The following FAM174A variants were observed in gnomAD, a reference collection of about 807,000 sequenced individuals.
FAM174A encodes membrane protein FAM174A.
FAM174A carries 14 observed loss-of-function variants against 14.3 expected under a neutral mutation model. The observed-to-expected ratio is 0.98, with a 90% CI of 0.65 to 1.53. FAM174A has a LOEUF of 1.53. FAM174A is among the 40% of genes most tolerant of loss of function. The pLI, the probability that FAM174A is intolerant of heterozygous loss-of-function variation, is 0.00. For missense variants in FAM174A, 241 were observed against 249.6 expected (o/e 0.97, Z 0.23); for synonymous variants, 108 against 111.4 (o/e 0.97, Z 0.19).
chr5:100,583,147 T>A (rs1281236562), intron 2 of FAM174A, among the ~76,000 whole-genome samples: 1 of 152,106 alleles, frequency 6.6e-6, no homozygotes, highest in African/African-American at 2.4e-5. Flanking sequence ...TGAAAGTAGA[T>A]CTCATAAAGG....
chr5:100,547,369 T>C (rs772343439), intron 1 of FAM174A, among the ~76,000 whole-genome samples: 2 of 152,042 alleles, frequency 1.3e-5, no homozygotes, highest in Non-Finnish European at 2.9e-5. Flanking sequence ...ATAAACTAAC[T>C]AAAAGCAACA....
At chr5:100,553,996 G>T (rs748482100) in intron 1 of FAM174A, among the ~76,000 whole-genome samples, 16 of 152,058 alleles carry the variant, frequency 1.1e-4, no homozygotes, top group Non-Finnish European at 2.2e-4. Context: ...ACAATGACAG[G>T]TTAACATATT....
chr5:100,557,529 A>G (rs930230850), intron 1 of FAM174A, among the ~76,000 whole-genome samples: 2 of 151,984 alleles, frequency 1.3e-5, no homozygotes, highest in African/African-American at 4.8e-5. Context: ...TCCTCCTTGT[A>G]CCTCTGGTAG....
chr5:100,546,144 G>A (rs774757214), intron 1 of FAM174A, among the ~76,000 whole-genome samples: 2 of 152,068 alleles, frequency 1.3e-5, no homozygotes, highest in East Asian at 1.9e-4. Flanking sequence ...TGCAGATTTG[G>A]GCTATCCTCC....
In FAM174A at chr5:100,570,592, A is replaced by G. The variant is rs544735599; in HGVS notation, c.569+8404A>G. ...AACTTGACCAAGGATTTCCCAGAAC[A>G]GCTATATAATGCCTACATCTTAATC... On this transcript the variant is annotated intron_variant, in intron 2 of 2. Coordinates refer to ENST00000312637, the MANE Select transcript of FAM174A (RefSeq NM_198507.3). 8.5e-5 allele frequency among the ~76,000 whole-genome samples: 13 copies of G among 152,068 alleles called. No individual in the cohort carries two copies. In the East Asian group the frequency reaches 1.7e-3, roughly 20 times the overall value.
At chr5:100,580,475 T>C (rs556184731) in intron 2 of FAM174A, among the ~76,000 whole-genome samples, 9 of 152,238 alleles carry the variant, frequency 5.9e-5, no homozygotes, top group Non-Finnish European at 1.3e-4. Flanking sequence ...ACTGAAGAAC[T>C]TGGAGTCCGA....
chr5:100,574,927 A>G (rs1378229986), intron 2 of FAM174A, among the ~76,000 whole-genome samples: 1 of 152,172 alleles, frequency 6.6e-6, no homozygotes, highest in Non-Finnish European at 1.5e-5. Flanking sequence ...TAGGATCCAA[A>G]TTCACTATGA....
At chr5:100,538,380 A>G (rs537347534) in intron 1 of FAM174A, among the ~76,000 whole-genome samples, 1 of 152,154 alleles carries the variant, frequency 6.6e-6, no homozygotes, top group Admixed American at 6.5e-5. Context: ...ATTGAACTAC[A>G]TGAGACTTTC....
chr5:100,571,981 T>C (rs996061567), intron 2 of FAM174A, among the ~76,000 whole-genome samples: 1 of 151,890 alleles, frequency 6.6e-6, no homozygotes, highest in Non-Finnish European at 1.5e-5. Context: ...TCAGGAAACA[T>C]ATAACTGTTG....
At chr5:100,562,473 T>A (rs1303152234) in intron 2 of FAM174A, among the ~76,000 whole-genome samples, 1 of 151,870 alleles carries the variant, frequency 6.6e-6, no homozygotes, top group Admixed American at 6.6e-5. Flanking sequence ...GGTCGTTACA[T>A]AGGTAAACTT....
At chr5:100,559,909 C>T (rs1202330538) in intron 1 of FAM174A, among the ~76,000 whole-genome samples, 4 of 151,946 alleles carry the variant, frequency 2.6e-5, no homozygotes, top group Non-Finnish European at 4.4e-5. Flanking sequence ...TCCTTTAGCT[C>T]GGAGTAGTTT....
chr5:100,569,845 T>G (rs1467246672), intron 2 of FAM174A, among the ~76,000 whole-genome samples: 2 of 151,744 alleles, frequency 1.3e-5, no homozygotes, highest in Non-Finnish European at 2.9e-5. Context: ...GAGATATATA[T>G]ATATATATCT....
intron 1 of FAM174A, among the ~76,000 whole-genome samples, chr5:100,560,017 A>G (rs1746491300): frequency 6.6e-6 from 1 of 151,840 alleles, no homozygotes; most frequent in Non-Finnish European, 1.5e-5. Flanking sequence ...GGAGGAGGAG[A>G]GGCACTCTGA....
intron 1 of FAM174A, among the ~76,000 whole-genome samples, chr5:100,561,266 T>C (rs1252791970): frequency 6.6e-6 from 1 of 152,020 alleles, no homozygotes; most frequent in Admixed American, 6.6e-5. Context: ...CCAGTGGTTC[T>C]CAAACTTGAA....
chr5:100,535,647 C>G lies in FAM174A; in HGVS notation c.117C>G (p.Ala39=), dbSNP rs746842056. The part of the protein sequence containing the change: ...PLAVLLQAAE[A]APGLGPPDPR... ...CAGTCCTGCTGCAGGCAGCCGAGGCCGCGCCAGGTCTTGGGCCTCCTGACC... is the reference window on the plus strand; with the variant it reads ...CAGTCCTGCTGCAGGCAGCCGAGGCGGCGCCAGGTCTTGGGCCTCCTGACC... Residue 39 remains alanine (A), a synonymous_variant, in exon 1 of 3, where the codon GCC becomes GCG. Transcript: ENST00000312637. The G allele has an allele frequency of 6.2e-7, 1 of 1,612,710 alleles. No homozygotes were observed. The highest frequency in any genetic ancestry group is 8.5e-7 in the Non-Finnish European group (1 of 1,179,922).
chr5:100,555,562 C>T (rs1209441926), intron 1 of FAM174A, among the ~76,000 whole-genome samples: 2 of 151,906 alleles, frequency 1.3e-5, no homozygotes, highest in South Asian at 2.1e-4. Context: ...AAAAGTGTTC[C>T]TATTTCTCCA....
At chr5:100,554,718 G>A (rs1746334181) in intron 1 of FAM174A, among the ~76,000 whole-genome samples, 1 of 152,052 alleles carries the variant, frequency 6.6e-6, no homozygotes, top group African/African-American at 2.4e-5. Context: ...ATGGCCCACA[G>A]GCCAAATTCC....
intron 1 of FAM174A, among the ~76,000 whole-genome samples, chr5:100,550,866 A>C (rs907867307): frequency 2.6e-5 from 4 of 152,152 alleles, no homozygotes; most frequent in Non-Finnish European, 5.9e-5. Context: ...CATCATGAGG[A>C]ACTGAGAGAA....
chr5:100,545,603 A>G (rs1746150237), intron 1 of FAM174A, among the ~76,000 whole-genome samples: 1 of 152,150 alleles, frequency 6.6e-6, no homozygotes, highest in African/African-American at 2.4e-5. Context: ...AATTTTATGT[A>G]TTCACCAGTT....
Sources: allele counts gnomAD v4.1 joint callset (sites outside exome capture counted in the v4.1 genomes callset), GRCh38; gene constraint gnomAD v4.1.1; transcripts MANE v1.5; gene names NCBI Gene and HGNC (gene_info 2026-07-23, HGNC 2026-07-21).